PLXNA2: variants seen among roughly 807,000 people sequenced by gnomAD.
PLXNA2 encodes plexin-A2.
A neutral mutation model predicts 193.5 loss-of-function variants in PLXNA2; 91 were observed. The ratio of observed to expected loss-of-function variants is 0.47; its 90% CI spans 0.40 to 0.56. PLXNA2 has a LOEUF of 0.56. Among genes scored for constraint, PLXNA2 ranks in the 20% least tolerant of loss-of-function variants. The pLI, the probability that PLXNA2 is intolerant of heterozygous loss-of-function variation, is 0.00. For synonymous variants in PLXNA2, 997 were observed against 1,027.3 expected, an observed-to-expected ratio of 0.97 and a Z score of 0.56; for missense variants, 1,995 against 2,503.2, an observed-to-expected ratio of 0.80 and a Z score of 4.33.
intron 12 of PLXNA2, among the ~76,000 whole-genome samples, chr1:208,062,245 G>A (rs773591732): frequency 1.3e-5 from 2 of 152,144 alleles, no homozygotes; most frequent in Non-Finnish European, 2.9e-5. Flanking sequence ...GTACCCTCAG[G>A]TGGAGATGAT....
At chr1:208,188,743 A>G (rs1023661431) in intron 3 of PLXNA2, among the ~76,000 whole-genome samples, 1 of 152,006 alleles carries the variant, frequency 6.6e-6, no homozygotes, top group Non-Finnish European at 1.5e-5. Flanking sequence ...AAATGGAGCT[A>G]TGAATCCCAA....
intron 3 of PLXNA2, among the ~76,000 whole-genome samples, chr1:208,164,856 G>A (rs1441449209): frequency 4.6e-5 from 7 of 152,178 alleles, no homozygotes; most frequent in East Asian, 1.9e-4. Context: ...TTATCTCGCC[G>A]GGACCCTTGT....
At chr1:208,160,214 C>T (rs1571981901) in intron 3 of PLXNA2, among the ~76,000 whole-genome samples, 1 of 45,578 alleles carries the variant, frequency 2.2e-5, no homozygotes, top group Admixed American at 1.7e-4. Flanking sequence ...ATTAGTACAA[C>T]CCCCCCCGCC....
rs1016763982 is a variant in PLXNA2 at position 208,031,791 on chromosome 1, G to C, written c.5056-32C>G. ...GAGGGGTGGGGGAGAGTAAGATGGA[G>C]GGGGGTGACGGCAGGTAGCAGACAG... On this transcript the variant is annotated intron_variant, in intron 28 of 31. Coordinates refer to ENST00000367033, the MANE Select transcript of PLXNA2 (RefSeq NM_025179.4). 2.0e-6 allele frequency: 3 copies of C among 1,518,542 alleles called. No individual in the cohort carries two copies. In the East Asian group the frequency reaches 6.8e-5, roughly 35 times the overall value. The allele number at this position is 1,518,542 out of a possible 1,614,324, so 94.1% of individuals were successfully genotyped here. A position where few individuals can be genotyped will look rare whatever the true frequency, so the allele number is the denominator to read the frequency against.
intron 5 of PLXNA2, 71 bp from the exon 6 acceptor site, chr1:208,099,040 G>A: frequency 2.0e-5 from 31 of 1,575,934 alleles, no homozygotes; most frequent in Non-Finnish European, 2.4e-5. Context: ...TGTCCCCTGG[G>A]CAGGATGGGA....
At chr1:208,223,364 C>G (rs1378201567) in intron 1 of PLXNA2, among the ~76,000 whole-genome samples, 1 of 152,128 alleles carries the variant, frequency 6.6e-6, no homozygotes, top group Non-Finnish European at 1.5e-5. Flanking sequence ...CAGGCGCTTC[C>G]TCCATTGTAG....
intron 3 of PLXNA2, among the ~76,000 whole-genome samples, chr1:208,147,355 C>T (rs188520998): frequency 2.0e-5 from 3 of 152,282 alleles, no homozygotes; most frequent in Admixed American, 2.0e-4. Flanking sequence ...TAGTCTAGCT[C>T]TAGTAAGAAC....
intron 3 of PLXNA2, among the ~76,000 whole-genome samples, chr1:208,190,099 A>ATG (rs1328808275): frequency 6.6e-6 from 1 of 152,166 alleles, no homozygotes; most frequent in Non-Finnish European, 1.5e-5. Flanking sequence ...TCGATTGTGT[A>ATG]TGTGTGTGTA....
chr1:208,231,139 G>T lies in PLXNA2; in HGVS notation c.-81+12504C>A, dbSNP rs546415008. Among the ~76,000 whole-genome samples the T allele has an allele frequency of 5.3e-5, 8 of 152,264 alleles. No individual in the cohort carries two copies. The South Asian group carries it at 1.5e-3, about 28-fold the overall frequency. ...TTGGATCCCTCAGCCCACTGTGAGG[G>T]AGAGTGACGGGCGCAGTTTTCTGAG... On this transcript the variant is annotated intron_variant, in intron 1 of 31. Transcript: ENST00000367033.
chr1:208,231,742 G>C (rs1003480056), intron 1 of PLXNA2, among the ~76,000 whole-genome samples: 3 of 152,206 alleles, frequency 2.0e-5, no homozygotes, highest in Non-Finnish European at 4.4e-5. Flanking sequence ...TTACAGGTGA[G>C]AGGACTTAGG....
At chr1:208,165,948 C>A (rs1344446698) in intron 3 of PLXNA2, among the ~76,000 whole-genome samples, 2 of 152,204 alleles carry the variant, frequency 1.3e-5, no homozygotes, top group Non-Finnish European at 2.9e-5. Flanking sequence ...TAAGGTTTGA[C>A]TTCCTGCTAC....
chr1:208,192,882 C>T lies in PLXNA2; in HGVS notation c.1371+17398G>A, dbSNP rs186106139. Among the ~76,000 whole-genome samples the T allele has an allele frequency of 3.2e-3, 441 of 139,338 alleles. 2 individuals are homozygous for T. Among genetic ancestry groups the T allele is most frequent in the Non-Finnish European group, 5.4e-3 (353 of 64,992 alleles). The allele number at this position is 139,338 out of a possible 152,430, so 91.4% of individuals were successfully genotyped here. On this transcript the variant is annotated intron_variant, in intron 3 of 31. Transcript: ENST00000367033. ...AGCCTGGGCAACAAGAGCAAAGCTC[C>T]GTCTCAAAAGAAAAAGAAAAAGAAA...
In PLXNA2 at chr1:208,124,022, C is replaced by T. The variant is rs1667886170; in HGVS notation, c.1506+18307G>A. On this transcript the variant is annotated intron_variant, in intron 4 of 31. Coordinates refer to ENST00000367033, the MANE Select transcript of PLXNA2 (RefSeq NM_025179.4). ...CAGCTTCACTCTGCACTGACGTCTA[C>T]CAACATTGCCCCGTGGCCACTAGAT... Among the ~76,000 whole-genome samples the T allele has an allele frequency of 2.0e-5, 3 of 152,144 alleles. No individual in the cohort carries two copies. The South Asian group carries it at 6.2e-4, about 32-fold the overall frequency.
intron 3 of PLXNA2, among the ~76,000 whole-genome samples, chr1:208,200,413 G>T (rs1670506262): frequency 6.6e-6 from 1 of 152,072 alleles, no homozygotes; most frequent in Admixed American, 6.5e-5. Flanking sequence ...GGCTACACAA[G>T]TGACTTAGGT....
At chr1:208,240,038 GGTTAATGGTTAACCAACT>G (rs1007397350) in intron 1 of PLXNA2, among the ~76,000 whole-genome samples, 1 of 152,296 alleles carries the variant, frequency 6.6e-6, no homozygotes, top group Admixed American at 6.5e-5. Context: ...CAGGGAAGGC[GGTTAATGGTTAACCAACT>G]GTAGAAGCAG....
At chr1:208,141,181 C>T (rs1306922552) in intron 4 of PLXNA2, among the ~76,000 whole-genome samples, 1 of 152,232 alleles carries the variant, frequency 6.6e-6, no homozygotes, top group Non-Finnish European at 1.5e-5. Flanking sequence ...TCCTCAAGAA[C>T]TAATTTTCAA....
intron 12 of PLXNA2, among the ~76,000 whole-genome samples, chr1:208,073,063 A>G (rs1453137065): frequency 1.3e-5 from 2 of 152,204 alleles, no homozygotes; most frequent in Admixed American, 1.3e-4. Flanking sequence ...TACTTCTCTA[A>G]GAACTGTTTC....
At chr1:208,180,283 T>G (rs1017784746) in intron 3 of PLXNA2, among the ~76,000 whole-genome samples, 2 of 151,970 alleles carry the variant, frequency 1.3e-5, no homozygotes, top group African/African-American at 4.8e-5. Context: ...ATGGCCTGTC[T>G]TCAGGCTGTC....
At chr1:208,235,360 C>T (rs115705149) in intron 1 of PLXNA2, among the ~76,000 whole-genome samples, 2,024 of 152,334 alleles carry the variant, frequency 0.013, 25 homozygotes, top group Middle Eastern at 0.044. Context: ...ACCCTAGTTT[C>T]GCTTCTTATA....
Sources: allele counts gnomAD v4.1 joint callset (sites outside exome capture counted in the v4.1 genomes callset), GRCh38; gene constraint gnomAD v4.1.1; transcripts MANE v1.5; gene names NCBI Gene and HGNC (gene_info 2026-07-23, HGNC 2026-07-21).